NEBL: variants seen among roughly 807,000 people sequenced by gnomAD.
NEBL encodes the protein LIM and SH3 protein 2.
A neutral mutation model predicts 140.2 loss-of-function variants in NEBL; 122 were observed. That is an observed-to-expected ratio of 0.87 (90% confidence interval 0.75 to 1.01). The LOEUF (loss-of-function observed/expected upper bound fraction) is 1.01. Ranked by LOEUF, NEBL falls within the 50% of genes least tolerant of loss-of-function variation. The probability of loss-of-function intolerance (pLI) is 0.00; values close to 1 mark genes in which losing one functional copy is unlikely to be tolerated. For missense variants in NEBL, 1,365 were observed against 1,231.3 expected, an observed-to-expected ratio of 1.11 and a Z score of -1.62; for synonymous variants, 436 against 398.9, an observed-to-expected ratio of 1.09 and a Z score of -1.11.
At chr10:21,091,619 C>A (rs753517846) in intron 2 of NEBL, among the ~76,000 whole-genome samples, 26 of 152,066 alleles carry the variant, frequency 1.7e-4, no homozygotes, top group Non-Finnish European at 3.2e-4. Context: ...TTGCTACTTT[C>A]ATTTTATTAT....
chr10:20,886,187 A>T (rs938248860), intron 4 of NEBL, among the ~76,000 whole-genome samples: 45 of 152,136 alleles, frequency 3.0e-4, no homozygotes, highest in African/African-American at 5.5e-4. Flanking sequence ...CTTAAAAAAA[A>T]TTTTTTTTAA....
chr10:21,079,071 T>C (rs1328824790), intron 2 of NEBL, among the ~76,000 whole-genome samples: 1 of 152,230 alleles, frequency 6.6e-6, no homozygotes, highest in Admixed American at 6.5e-5. Flanking sequence ...CTCTTAGGAC[T>C]TTCCCTAGCT....
intron 2 of NEBL, among the ~76,000 whole-genome samples, chr10:21,038,203 A>AT (rs1319075674): frequency 2.6e-5 from 4 of 151,904 alleles, no homozygotes; most frequent in Admixed American, 6.6e-5. Context: ...CCCTCCATAT[A>AT]TTTTTTTTAT....
chr10:21,229,019 T>C (rs751538702), intron 3 of NEBL, among the ~76,000 whole-genome samples: 7 of 151,924 alleles, frequency 4.6e-5, no homozygotes, highest in Non-Finnish European at 1.0e-4. Flanking sequence ...CACCAACCCA[T>C]AGTGGACATA....
intron 4 of NEBL, among the ~76,000 whole-genome samples, chr10:20,936,668 C>A (rs535032799): frequency 6.6e-6 from 1 of 152,330 alleles, no homozygotes; most frequent in African/African-American, 2.4e-5. Context: ...TTGGCAACTT[C>A]TCACTGAATC....
intron 26 of NEBL, among the ~76,000 whole-genome samples, chr10:20,789,785 C>T (rs1486066142): frequency 6.6e-6 from 1 of 151,838 alleles, no homozygotes; most frequent in African/African-American, 2.4e-5. Context: ...TCTGGGAGGT[C>T]AAGGCTGCCA....
intron 2 of NEBL, among the ~76,000 whole-genome samples, chr10:21,025,520 G>A (rs72790576): frequency 0.05 from 7,675 of 152,204 alleles, 210 homozygotes; most frequent in Non-Finnish European, 0.06. Context: ...TAAAAATATA[G>A]GAAAAGTTAT....
At chr10:21,021,034 A>G (rs944239353) in intron 2 of NEBL, among the ~76,000 whole-genome samples, 11 of 151,696 alleles carry the variant, frequency 7.3e-5, no homozygotes, top group African/African-American at 2.7e-4. Flanking sequence ...CCACCCCTCC[A>G]TAACACAAGT....
intron 26 of NEBL, among the ~76,000 whole-genome samples, chr10:20,793,937 T>C (rs1243656603): frequency 6.6e-6 from 1 of 152,178 alleles, no homozygotes; most frequent in African/African-American, 2.4e-5. Context: ...TTGACAGGAA[T>C]TTAGGGGTAT....
intron 13 of NEBL, among the ~76,000 whole-genome samples, chr10:20,835,929 C>T (rs954330420): frequency 8.5e-5 from 13 of 152,178 alleles, no homozygotes; most frequent in African/African-American, 3.1e-4. Flanking sequence ...AAATGAGCTG[C>T]TGTTGTACAA....
At chr10:21,217,849 C>T (rs564051896) in intron 3 of NEBL, 1 of 152,222 alleles carries the variant, frequency 6.6e-6, no homozygotes, top group Non-Finnish European at 1.5e-5. Context: ...GCATTTCCAT[C>T]TGGCAGCAAC....
intron 2 of NEBL, among the ~76,000 whole-genome samples, chr10:21,044,625 G>C (rs1834430333): frequency 6.6e-6 from 1 of 152,138 alleles, no homozygotes. Context: ...ACCACACTGA[G>C]ATTTCCAAAC....
intron 27 of NEBL, among the ~76,000 whole-genome samples, 159 bp from the exon 28 acceptor site, chr10:20,786,082 T>C (rs940361205): frequency 2.0e-5 from 3 of 152,200 alleles, no homozygotes; most frequent in Non-Finnish European, 4.4e-5. Context: ...ATTGTGCTGA[T>C]CTCAAGTTTA....
chr10:21,288,081 C>T (rs534638359), intron 1 of NEBL, among the ~76,000 whole-genome samples: 59 of 152,236 alleles, frequency 3.9e-4, no homozygotes, highest in Admixed American at 7.2e-4. Flanking sequence ...ATATAAAGTG[C>T]TTAGCCAAGT....
Position 20,783,654 on chromosome 10 carries a change from T to C in NEBL, c.*2093A>G, listed in dbSNP as rs1247141532. 1 of 152,596 alleles carries C rather than the reference T, an allele frequency of 6.6e-6. No individual in the cohort carries two copies. The highest frequency in any genetic ancestry group is 1.5e-5 in the Non-Finnish European group (1 of 68,032). The allele number at this position is 152,596 out of a possible 1,614,324, so 9.5% of individuals were successfully genotyped here. On this transcript the variant is annotated 3_prime_UTR_variant, in exon 28 of 28. Transcript: ENST00000377122. ...TTTAATCAACAACTACTCTTTCTTATAATCACAAAAGAAAATGGCCTGCCT... is the reference window on the plus strand; with the variant it reads ...TTTAATCAACAACTACTCTTTCTTACAATCACAAAAGAAAATGGCCTGCCT...
intron 9 of NEBL, 61 bp downstream of exon 9, chr10:20,858,179 A>G (rs1487066498): frequency 2.3e-6 from 3 of 1,299,062 alleles, no homozygotes; most frequent in Non-Finnish European, 3.4e-6. Flanking sequence ...TGAACGCTGC[A>G]GACATATTGG....
chr10:20,807,203 G>A (rs1837688901), intron 26 of NEBL, among the ~76,000 whole-genome samples: 1 of 152,140 alleles, frequency 6.6e-6, no homozygotes, highest in African/African-American at 2.4e-5. Context: ...GCACACACCT[G>A]TAGACCCACC....
chr10:20,812,769 C>A lies in NEBL; in HGVS notation c.2518G>T (p.Asp840Tyr), dbSNP rs549049027. 1 of 1,613,898 alleles carries A rather than the reference C, an allele frequency of 6.2e-7. No individual in the cohort carries two copies. Among genetic ancestry groups the A allele is most frequent in the South Asian group, 1.1e-5 (1 of 91,078 alleles). The change falls in exon 24 of 28, where the codon GAC (aspartate) becomes TAC (tyrosine). Residue 840 changes from aspartate to tyrosine, a missense_variant and splice_region_variant. Asp to Tyr is a radical substitution (Grantham distance 160). Around this residue, in one of 2 missense-constraint regions of NEBL, gnomAD observed 1,323 missense variants for 1,154.8 expected, o/e 1.15. Transcript: ENST00000377122. Reference sequence around the variant, plus strand: ...CGGCCGACAAACGCCGTCAGCTTACCAACAATGATTCCAGGTCTCCTGTCC... The same window carrying A: ...CGGCCGACAAACGCCGTCAGCTTACAAACAATGATTCCAGGTCTCCTGTCC... ...EMDRRPGIIV[D>Y]LKVWRTDPGS...
At chr10:20,831,950 A>G (rs1037837111) in intron 14 of NEBL, among the ~76,000 whole-genome samples, 1 of 152,206 alleles carries the variant, frequency 6.6e-6, no homozygotes, top group African/African-American at 2.4e-5. Flanking sequence ...TCTGTAGTGA[A>G]TAAGTGTTGG....
Sources: gnomAD v4.1 joint callset for allele counts (sites outside exome capture counted in the v4.1 genomes callset) on GRCh38, gnomAD v4.1.1 for gene constraint, gnomAD v4.1.1 regional missense constraint, MANE v1.5 for transcripts, NCBI Gene and HGNC (gene_info 2026-07-23, HGNC 2026-07-21) for gene names.